FBXL13: variants seen among roughly 807,000 people sequenced by gnomAD.
The protein encoded by FBXL13 is F-box and leucine-rich repeat protein 13.
FBXL13 carries 67 observed loss-of-function variants against 83.6 expected under a neutral mutation model. That is an observed-to-expected ratio of 0.80 (90% CI 0.66 to 0.98). The LOEUF is 0.98. Ranked by LOEUF, FBXL13 falls within the 50% of genes least tolerant of loss-of-function variation. The pLI is 0.00. For missense variants in FBXL13, 822 were observed against 866.5 expected (o/e 0.95, Z 0.64); for synonymous variants, 272 against 299.5 (o/e 0.91, Z 0.95).
At chr7:102,850,447 G>A (rs969853758) in intron 17 of FBXL13, among the ~76,000 whole-genome samples, 10 of 152,114 alleles carry the variant, frequency 6.6e-5, no homozygotes, top group Admixed American at 6.5e-4. Context: ...AAATATAACT[G>A]ATCACCATAT....
chr7:103,070,905 T>G (rs765913487), intron 1 of FBXL13, among the ~76,000 whole-genome samples: 30 of 152,134 alleles, frequency 2.0e-4, no homozygotes, highest in Non-Finnish European at 3.8e-4. Context: ...CCTCCAACAC[T>G]GGGGATCAAA....
chr7:103,028,824 A>C (rs2129488590), intron 3 of FBXL13, 76 bp from the exon 5 acceptor site: 1 of 1,229,784 alleles, frequency 8.1e-7, no homozygotes. Context: ...ATTAAGGAGA[A>C]CAAAGAATGA....
exon 14 of FBXL13, chr7:102,883,419 T>A: frequency 6.2e-7 from 1 of 1,613,748 alleles, no homozygotes; most frequent in Non-Finnish European, 8.5e-7. Context: ...GAGATTTGGA[T>A]AATTCTTGTC....
intron 17 of FBXL13, among the ~76,000 whole-genome samples, chr7:102,854,546 C>T (rs1021619659): frequency 1.3e-5 from 2 of 152,094 alleles, no homozygotes; most frequent in African/African-American, 4.8e-5. Flanking sequence ...TATTTAGCTA[C>T]ATTTTAATAC....
chr7:102,976,190 C>T (rs555304616), intron 6 of FBXL13: 20 of 764,144 alleles, frequency 2.6e-5, no homozygotes, highest in Middle Eastern at 4.5e-4. Flanking sequence ...CAGCAACTAC[C>T]ATCGCTTCAT....
chr7:102,953,461 C>T (rs1823742561), intron 8 of FBXL13, among the ~76,000 whole-genome samples: 1 of 152,022 alleles, frequency 6.6e-6, no homozygotes, highest in South Asian at 2.1e-4. Flanking sequence ...AATCCCATCA[C>T]CCTTTTATAA....
At chr7:102,960,109 T>A (rs925658682) in intron 8 of FBXL13, among the ~76,000 whole-genome samples, 1 of 152,032 alleles carries the variant, frequency 6.6e-6, no homozygotes, top group African/African-American at 2.4e-5. Context: ...TTTTTAAAAA[T>A]AAGAATATGT....
chr7:103,000,916 T>C (rs767005545), intron 6 of FBXL13, among the ~76,000 whole-genome samples: 4 of 152,154 alleles, frequency 2.6e-5, no homozygotes, highest in Non-Finnish European at 5.9e-5. Context: ...CTGCTCTTTT[T>C]TGGTTTCCAA....
intron 2 of FBXL13, among the ~76,000 whole-genome samples, chr7:103,048,127 A>G (rs919669488): frequency 6.6e-6 from 1 of 152,198 alleles, no homozygotes; most frequent in Non-Finnish European, 1.5e-5. Context: ...TCTCTTTTGG[A>G]TGCTTCAGGG....
At chr7:102,994,646 G>A (rs573106668) in intron 6 of FBXL13, among the ~76,000 whole-genome samples, 35 of 152,152 alleles carry the variant, frequency 2.3e-4, no homozygotes, top group East Asian at 1.3e-3. Flanking sequence ...GGAGGGTTTC[G>A]CTTTTATAGT....
intron 10 of FBXL13, among the ~76,000 whole-genome samples, chr7:102,915,730 TAAAA>T (rs904693301): frequency 1.4e-4 from 15 of 110,850 alleles, no homozygotes; most frequent in Non-Finnish European, 2.4e-4. Flanking sequence ...AATTACCAAA[TAAAA>T]AAACATTTAT....
chr7:102,927,322 T>C (rs1403564372), intron 9 of FBXL13, among the ~76,000 whole-genome samples: 1 of 152,170 alleles, frequency 6.6e-6, no homozygotes, highest in African/African-American at 2.4e-5. Context: ...CCAGAAAGAA[T>C]AGACCACTGC....
chr7:102,854,952 A>G (rs1805818556), intron 16 of FBXL13, 92 bp from the exon 18 acceptor site: 1 of 664,636 alleles, frequency 1.5e-6, no homozygotes. Flanking sequence ...TGACAACATA[A>G]AAAACCATTT....
intron 6 of FBXL13, among the ~76,000 whole-genome samples, chr7:102,995,094 T>C (rs1204955809): frequency 6.6e-6 from 1 of 152,144 alleles, no homozygotes; most frequent in Non-Finnish European, 1.5e-5. Flanking sequence ...ATGCTATGGT[T>C]TGAGCACTCT....
chr7:102,995,708 T>TC (rs1789701097), intron 6 of FBXL13, among the ~76,000 whole-genome samples: 1 of 148,808 alleles, frequency 6.7e-6, no homozygotes, highest in Admixed American at 6.7e-5. Flanking sequence ...AATCGCTTGA[T>TC]CCCGGGACGT....
chr7:102,957,608 T>C (rs549556107), intron 8 of FBXL13, among the ~76,000 whole-genome samples: 1 of 152,066 alleles, frequency 6.6e-6, no homozygotes, highest in South Asian at 2.1e-4. Flanking sequence ...ACCTACAGAA[T>C]GGGAGAAAAT....
intron 1 of FBXL13, among the ~76,000 whole-genome samples, chr7:103,072,685 C>T (rs563567795): frequency 8.5e-5 from 13 of 152,284 alleles, no homozygotes; most frequent in South Asian, 4.1e-4. Flanking sequence ...ATAAACGTTC[C>T]ACTTTCTGAC....
intron 8 of FBXL13, among the ~76,000 whole-genome samples, chr7:102,955,904 C>T (rs1824186604): frequency 6.6e-6 from 1 of 151,860 alleles, no homozygotes; most frequent in Non-Finnish European, 1.5e-5. Flanking sequence ...GTCTAACAAC[C>T]AAAAAAAGAC....
At chr7:102,859,567 AG>A (rs1272238553) in intron 16 of FBXL13, among the ~76,000 whole-genome samples, 1 of 152,144 alleles carries the variant, frequency 6.6e-6, no homozygotes, top group Non-Finnish European at 1.5e-5. Context: ...CCAAGGTTTT[AG>A]CCCTGGGAGG....
Sources: allele counts gnomAD v4.1 joint callset (sites outside exome capture counted in the v4.1 genomes callset), GRCh38; gene constraint gnomAD v4.1.1; transcripts MANE v1.5; gene names NCBI Gene and HGNC (gene_info 2026-07-23, HGNC 2026-07-21).